PPP1R12A: variants seen among roughly 807,000 people sequenced by gnomAD.
The protein encoded by PPP1R12A is myosin binding subunit.
PPP1R12A carries 19 observed loss-of-function variants against 139.6 expected under a neutral mutation model. The observed-to-expected ratio is 0.14, with a 90% confidence interval of 0.09 to 0.20. The LOEUF (loss-of-function observed/expected upper bound fraction) is 0.20, where lower values mean the gene tolerates loss of function less well. PPP1R12A is among the 10% of genes least tolerant of loss of function. The probability of loss-of-function intolerance (pLI) is 1.00; values close to 1 mark genes in which losing one functional copy is unlikely to be tolerated. For missense variants in PPP1R12A, 925 were observed against 1,211.5 expected, an observed-to-expected ratio of 0.76 and a Z score of 3.51; for synonymous variants, 427 against 420.6, an observed-to-expected ratio of 1.02 and a Z score of -0.19.
chr12:79,856,646 C>G (rs1880693529), intron 2 of PPP1R12A, among the ~76,000 whole-genome samples: 1 of 152,178 alleles, frequency 6.6e-6, no homozygotes, highest in Non-Finnish European at 1.5e-5. Flanking sequence ...CCTTCTAGTT[C>G]TTTTTTTCTT....
intron 3 of PPP1R12A, among the ~76,000 whole-genome samples, chr12:79,844,187 C>T (rs1239016343): frequency 6.6e-6 from 1 of 152,082 alleles, no homozygotes; most frequent in Non-Finnish European, 1.5e-5. Flanking sequence ...AGTAATGAAA[C>T]TCTGTGCCCG....
intron 24 of PPP1R12A, chr12:79,777,421 A>G (rs1869870214): frequency 2.0e-6 from 2 of 984,748 alleles, no homozygotes; most frequent in Non-Finnish European, 2.4e-6. Context: ...TCCAGACACA[A>G]TGGCATTAAT....
At chr12:79,876,099 C>A (rs773106796) in intron 1 of PPP1R12A, among the ~76,000 whole-genome samples, 11 of 152,102 alleles carry the variant, frequency 7.2e-5, no homozygotes, top group Non-Finnish European at 1.5e-4. Context: ...ATGACTGTAT[C>A]CACATTTCAT....
chr12:79,853,957 T>C (rs1880340543), intron 2 of PPP1R12A, among the ~76,000 whole-genome samples: 1 of 152,240 alleles, frequency 6.6e-6, no homozygotes, highest in Admixed American at 6.5e-5. Flanking sequence ...ATCATCCACA[T>C]GTGACACCAG....
chr12:79,799,156 T>C (rs894917767), intron 14 of PPP1R12A, among the ~76,000 whole-genome samples: 10 of 152,138 alleles, frequency 6.6e-5, no homozygotes, highest in African/African-American at 2.4e-4. Context: ...TTGTTTGTTT[T>C]GTTTTTTTTT....
chr12:79,932,180 G>A (rs1402430598), intron 1 of PPP1R12A, among the ~76,000 whole-genome samples: 1 of 152,138 alleles, frequency 6.6e-6, no homozygotes, highest in African/African-American at 2.4e-5. Flanking sequence ...AAGTTTTAAA[G>A]AACTATTCAA....
At chr12:79,815,217 A>G (rs1301374103) in intron 9 of PPP1R12A, among the ~76,000 whole-genome samples, 4 of 152,208 alleles carry the variant, frequency 2.6e-5, no homozygotes, top group Non-Finnish European at 5.9e-5. Context: ...TGTAGTAGGA[A>G]AGGGATTACT....
chr12:79,840,446 A>G (rs1232077843), intron 3 of PPP1R12A, among the ~76,000 whole-genome samples: 1 of 152,110 alleles, frequency 6.6e-6, no homozygotes, highest in Non-Finnish European at 1.5e-5. Context: ...ACATATCCTA[A>G]GTTCTAACAA....
chr12:79,867,173 C>T (rs547310684), intron 2 of PPP1R12A, among the ~76,000 whole-genome samples: 20 of 152,144 alleles, frequency 1.3e-4, no homozygotes, highest in Non-Finnish European at 2.1e-4. Flanking sequence ...CTTTCAGGGA[C>T]ATGGATGAAG....
At chr12:79,906,906 G>A (rs934091009) in intron 1 of PPP1R12A, among the ~76,000 whole-genome samples, 2 of 152,036 alleles carry the variant, frequency 1.3e-5, no homozygotes, top group African/African-American at 2.4e-5. Context: ...TCGGCCTCCC[G>A]AGGCAGGCAA....
At chr12:79,790,056 G>A (rs990112598) in intron 20 of PPP1R12A, among the ~76,000 whole-genome samples, 5 of 151,940 alleles carry the variant, frequency 3.3e-5, no homozygotes, top group African/African-American at 1.2e-4. Context: ...CCAAGTGCTA[G>A]GATTAAGGGT....
At chr12:79,798,106 T>C (rs1051706180) in intron 15 of PPP1R12A, among the ~76,000 whole-genome samples, 3 of 152,180 alleles carry the variant, frequency 2.0e-5, no homozygotes, top group Non-Finnish European at 2.9e-5. Flanking sequence ...CAAATATTCA[T>C]AGAACTTTTA....
At chr12:79,867,907 T>C (rs753816629) in intron 2 of PPP1R12A, among the ~76,000 whole-genome samples, 29 of 152,162 alleles carry the variant, frequency 1.9e-4, no homozygotes, top group Non-Finnish European at 2.6e-4. Flanking sequence ...TCCACCATGA[T>C]TGTAAGTTTC....
At chr12:79,880,661 G>A (rs1883555092) in intron 1 of PPP1R12A, among the ~76,000 whole-genome samples, 1 of 152,108 alleles carries the variant, frequency 6.6e-6, no homozygotes, top group Admixed American at 6.5e-5. Context: ...GAAGAAGGGT[G>A]ACGTGATCAG....
intron 1 of PPP1R12A, among the ~76,000 whole-genome samples, chr12:79,879,247 G>C (rs1412818499): frequency 1.3e-5 from 2 of 152,034 alleles, no homozygotes; most frequent in Non-Finnish European, 2.9e-5. Flanking sequence ...AGGCACGGTG[G>C]CACATGCTAC....
chr12:79,831,265 A>G (rs1877386589), intron 4 of PPP1R12A, among the ~76,000 whole-genome samples: 1 of 152,124 alleles, frequency 6.6e-6, no homozygotes, highest in South Asian at 2.1e-4. Flanking sequence ...AAAAAGGCCT[A>G]AATTATTGAA....
chr12:79,933,381 C>T (rs1888394195), intron 1 of PPP1R12A, among the ~76,000 whole-genome samples: 1 of 152,190 alleles, frequency 6.6e-6, no homozygotes, highest in Admixed American at 6.5e-5. Flanking sequence ...AAAAATGTCA[C>T]TACACACCTT....
At chr12:79,822,242 A>C in intron 5 of PPP1R12A, 52 bp from the exon 6 acceptor site, 1 of 1,242,388 alleles carries the variant, frequency 8.0e-7, no homozygotes, top group Non-Finnish European at 1.1e-6. Context: ...ATAAATCATA[A>C]AATGCCTTCA....
At chr12:79,874,284 A>G (rs1882886219) in intron 1 of PPP1R12A, among the ~76,000 whole-genome samples, 1 of 152,124 alleles carries the variant, frequency 6.6e-6, no homozygotes, top group South Asian at 2.1e-4. Flanking sequence ...CAAAAAAAAA[A>G]AAAAGAAAAG....
Sources: allele counts gnomAD v4.1 joint callset (sites outside exome capture counted in the v4.1 genomes callset), GRCh38; gene constraint gnomAD v4.1.1; transcripts MANE v1.5; gene names NCBI Gene and HGNC (gene_info 2026-07-23, HGNC 2026-07-21).